Variants in PPIP5K2 observed in about 807,000 individuals in gnomAD.
PPIP5K2 encodes inositol hexakisphosphate and diphosphoinositol-pentakisphosphate kinase 2.
In PPIP5K2, 105 loss-of-function variants were observed where a neutral mutation model predicts 154.6. The observed-to-expected ratio is 0.68, with a 90% CI of 0.58 to 0.80. The LOEUF is 0.80. Among genes scored for constraint, PPIP5K2 ranks in the 30% least tolerant of loss-of-function variants. PPIP5K2 has a pLI of 0.00. For synonymous variants in PPIP5K2, 480 were observed against 490.3 expected (o/e 0.98, Z 0.28); for missense variants, 992 against 1,504.6 (o/e 0.66, Z 5.64).
intron 28 of PPIP5K2, chr5:103,188,998 A>G (rs1268071033): frequency 1.2e-5 from 6 of 509,782 alleles, no homozygotes; most frequent in Non-Finnish European, 2.1e-5. Context: ...TGTCCTATGA[A>G]TTGTCATTTG....
chr5:103,188,189 G>T (rs1800699939), intron 28 of PPIP5K2, among the ~76,000 whole-genome samples: 2 of 152,120 alleles, frequency 1.3e-5, no homozygotes, highest in African/African-American at 4.8e-5. Context: ...ATATTGTGGG[G>T]CAAGAGGGAA....
chr5:103,141,379 A>AGGTAGCGCGTCTGGAGTTGTTCGT (rs1792618668), intron 5 of PPIP5K2, among the ~76,000 whole-genome samples: 1 of 151,340 alleles, frequency 6.6e-6, no homozygotes, highest in Non-Finnish European at 1.5e-5. Flanking sequence ...ACAGCTCTTA[A>AGGTAGCGCGTCTGGAGTTGTTCGT]GGTAGCGCGT....
chr5:103,163,713 T>C (rs1554216873), intron 17 of PPIP5K2, among the ~76,000 whole-genome samples: 1 of 152,008 alleles, frequency 6.6e-6, no homozygotes, highest in Admixed American at 6.6e-5. Flanking sequence ...GTTTCCATTA[T>C]AAAAACGTAC....
At chr5:103,165,697 G>A (rs895339904) in intron 17 of PPIP5K2, among the ~76,000 whole-genome samples, 20 of 152,100 alleles carry the variant, frequency 1.3e-4, no homozygotes, top group Admixed American at 6.6e-4. Flanking sequence ...GAAATCAGCA[G>A]TATACAAATG....
At chr5:103,171,361 C>G (rs1157341833) in intron 19 of PPIP5K2, among the ~76,000 whole-genome samples, 1 of 151,466 alleles carries the variant, frequency 6.6e-6, no homozygotes, top group Admixed American at 6.6e-5. Flanking sequence ...AAGATGTTTT[C>G]TTTGGTTATC....
chr5:103,185,714 A>C (rs1479646684), intron 26 of PPIP5K2, among the ~76,000 whole-genome samples: 1 of 152,112 alleles, frequency 6.6e-6, no homozygotes, highest in African/African-American at 2.4e-5. Flanking sequence ...GAGTCTTATT[A>C]ATTAAGATCT....
intron 24 of PPIP5K2, among the ~76,000 whole-genome samples, chr5:103,180,505 C>T (rs182662354): frequency 7.6e-4 from 115 of 151,474 alleles, no homozygotes; most frequent in African/African-American, 2.6e-3. Flanking sequence ...GGTTGATCTT[C>T]AATAATGAAT....
At chr5:103,154,146 A>C (rs1483057327) in intron 11 of PPIP5K2, among the ~76,000 whole-genome samples, 9 of 151,962 alleles carry the variant, frequency 5.9e-5, no homozygotes, top group African/African-American at 2.2e-4. Flanking sequence ...AAATATCATC[A>C]GTCTGCCCTG....
At chr5:103,196,447 G>A (rs72768668) in intron 30 of PPIP5K2, among the ~76,000 whole-genome samples, 213 of 152,230 alleles carry the variant, frequency 1.4e-3, no homozygotes, top group Non-Finnish European at 2.2e-3. Context: ...AAGTTGTGAT[G>A]CATCCCATAT....
chr5:103,178,104 T>G, intron 23 of PPIP5K2, 124 bp downstream of exon 23: 1 of 676,722 alleles, frequency 1.5e-6, no homozygotes, highest in Non-Finnish European at 2.5e-6. Context: ...AGGAAAATGG[T>G]TTAAATTTTT....
chr5:103,166,299 T>C (rs782305420), intron 17 of PPIP5K2, among the ~76,000 whole-genome samples: 2 of 152,008 alleles, frequency 1.3e-5, no homozygotes, highest in Non-Finnish European at 2.9e-5. Context: ...ACCCACAAAA[T>C]CTTCACTACA....
chr5:103,204,614 G>A lies in PPIP5K2; in HGVS notation c.*2980G>A, dbSNP rs1803399773. The A allele has an allele frequency of 6.6e-6, 1 of 152,044 alleles. No individual in the cohort carries two copies. Among genetic ancestry groups the A allele is most frequent in the African/African-American group, 2.4e-5 (1 of 41,398 alleles). 9.4% of individuals were successfully genotyped at this position (152,044 alleles called of 1,614,324 possible). ...TGCGTGCCACCACACCCAGCTCATG[G>A]GAATAATTTTTACACTCCTTCAGAA... is the stretch of plus-strand genomic sequence containing the variant. On this transcript the variant is annotated 3_prime_UTR_variant, in exon 31 of 31. Transcript: ENST00000358359.
chr5:103,194,893 TTTTC>T lies in PPIP5K2; in HGVS notation c.3494-6_3494-3del. Reference sequence around the variant, plus strand: ...TTAAATTAACATGTTTGTTTATTTTTTTTCAGCCTCTACAGCTTTACGTTCCAGT... The same window carrying T: ...TTAAATTAACATGTTTGTTTATTTTTAGCCTCTACAGCTTTACGTTCCAGT... On this transcript the variant is annotated splice_region_variant and splice_polypyrimidine_tract_variant and intron_variant, in intron 29 of 30. Coordinates refer to ENST00000358359, the MANE Select transcript of PPIP5K2 (RefSeq NM_001276277.3). The T allele has an allele frequency of 6.2e-7, 1 of 1,602,450 alleles. No individual in the cohort carries two copies. The highest frequency in any genetic ancestry group is 8.5e-7 in the Non-Finnish European group (1 of 1,175,942).
At chr5:103,126,725 A>G (rs1400259474) in intron 1 of PPIP5K2, among the ~76,000 whole-genome samples, 2 of 149,378 alleles carry the variant, frequency 1.3e-5, no homozygotes, top group Non-Finnish European at 3.0e-5. Flanking sequence ...AGGCTAAGCT[A>G]GTCTATCTAG....
intron 16 of PPIP5K2, among the ~76,000 whole-genome samples, 192 bp from the exon 17 acceptor site, chr5:103,158,954 C>G (rs1795819848): frequency 6.6e-6 from 1 of 151,634 alleles, no homozygotes; most frequent in Non-Finnish European, 1.5e-5. Flanking sequence ...ATTTTTTTAA[C>G]CAAGGAATAT....
chr5:103,156,559 AAAT>A (rs1170615525), intron 14 of PPIP5K2, among the ~76,000 whole-genome samples: 1 of 152,200 alleles, frequency 6.6e-6, no homozygotes, highest in African/African-American at 2.4e-5. Context: ...ATGACCAATA[AAAT>A]AATAATGATA....
intron 1 of PPIP5K2, among the ~76,000 whole-genome samples, chr5:103,122,794 A>C (rs1788989764): frequency 6.6e-6 from 1 of 152,246 alleles, no homozygotes; most frequent in South Asian, 2.1e-4. Context: ...GAGGGAACCC[A>C]TGAAAAGGGC....
chr5:103,198,482 G>A (rs1019603806), intron 30 of PPIP5K2, among the ~76,000 whole-genome samples: 8 of 152,124 alleles, frequency 5.3e-5, no homozygotes, highest in Non-Finnish European at 7.4e-5. Context: ...GATTGATTGT[G>A]CTATCAGTTG....
chr5:103,164,510 C>T (rs761701573), intron 17 of PPIP5K2, among the ~76,000 whole-genome samples: 29 of 151,870 alleles, frequency 1.9e-4, no homozygotes, highest in Non-Finnish European at 3.7e-4. Context: ...GTATATTTTC[C>T]TTTATGCACT....
Sources: gnomAD v4.1 joint callset for allele counts (sites outside exome capture counted in the v4.1 genomes callset) on GRCh38, gnomAD v4.1.1 for gene constraint, MANE v1.5 for transcripts, NCBI Gene and HGNC (gene_info 2026-07-23, HGNC 2026-07-21) for gene names.